The following ZFYVE9 variants were observed in gnomAD, a reference collection of about 807,000 sequenced individuals.
ZFYVE9 encodes the protein zinc finger FYVE domain-containing protein 9.
A neutral mutation model predicts 126.7 loss-of-function variants in ZFYVE9; 43 were observed. The ratio of observed to expected loss-of-function variants is 0.34; its 90% CI spans 0.27 to 0.44. The LOEUF (loss-of-function observed/expected upper bound fraction) is 0.44, where lower values mean the gene tolerates loss of function less well. ZFYVE9 is among the 20% of genes least tolerant of loss of function. The pLI is 1.00. For missense variants in ZFYVE9, 1,476 were observed against 1,697.0 expected (o/e 0.87, Z 2.29); for synonymous variants, 521 against 597.4 (o/e 0.87, Z 1.87).
chr1:52,255,870 T>A (rs946537741), intron 4 of ZFYVE9, among the ~76,000 whole-genome samples: 4 of 151,840 alleles, frequency 2.6e-5, no homozygotes, highest in African/African-American at 7.3e-5. Context: ...AAATTTTTTT[T>A]AATTCATTGA....
intron 1 of ZFYVE9, among the ~76,000 whole-genome samples, chr1:52,204,486 G>A (rs1644954808): frequency 6.6e-6 from 1 of 152,162 alleles, no homozygotes; most frequent in Admixed American, 6.5e-5. Flanking sequence ...CAGCACTTTG[G>A]GAGGCTGAGG....
At chr1:52,145,876 G>A (rs1644301473) in intron 1 of ZFYVE9, among the ~76,000 whole-genome samples, 1 of 151,598 alleles carries the variant, frequency 6.6e-6, no homozygotes, top group Admixed American at 6.6e-5. Flanking sequence ...CTTTATATAG[G>A]GTACACTTGT....
chr1:52,207,972 AAAG>A (rs1355792228), intron 1 of ZFYVE9, among the ~76,000 whole-genome samples: 2 of 152,228 alleles, frequency 1.3e-5, no homozygotes, highest in Admixed American at 6.5e-5. Context: ...TATAAAGTGT[AAAG>A]AAACTGAGAT....
intron 8 of ZFYVE9, among the ~76,000 whole-genome samples, chr1:52,278,273 CA>C (rs1188919800): frequency 1.7e-4 from 26 of 152,214 alleles, no homozygotes; most frequent in African/African-American, 6.3e-4. Flanking sequence ...ACAGGATAAC[CA>C]CATTATCATC....
In ZFYVE9 at chr1:52,142,101, A is replaced by C. The variant is rs1644261660; in HGVS notation, c.-445A>C. 6.6e-6 allele frequency: 1 copy of C among 151,136 alleles called. No homozygotes were observed. The highest frequency in any genetic ancestry group is 1.5e-5 in the Non-Finnish European group (1 of 67,650). 9.4% of individuals were successfully genotyped at this position (151,136 alleles called of 1,614,324 possible). A position where few individuals can be genotyped will look rare whatever the true frequency, so the allele number is the denominator to read the frequency against. On this transcript the variant is annotated 5_prime_UTR_variant, in exon 1 of 19. Coordinates refer to ENST00000287727, the MANE Select transcript of ZFYVE9 (RefSeq NM_004799.4). This position sits in a 1 kb window ranked among gnomAD's most constrained non-coding sequence, Gnocchi z 4.5. ...GGCAGGAGCGGCCACCCGACGCTGGAGGCTTCGCTGAGGATCCCCGCCTGC... is the reference window on the plus strand; with the variant it reads ...GGCAGGAGCGGCCACCCGACGCTGGCGGCTTCGCTGAGGATCCCCGCCTGC...
At chr1:52,253,556 G>A in intron 4 of ZFYVE9, 1 of 773,398 alleles carries the variant, frequency 1.3e-6, no homozygotes. Context: ...CCGAGTGGGA[G>A]TGGCACAGAG....
Position 52,237,993 on chromosome 1 carries a change from T to A in ZFYVE9, c.576T>A (p.Thr192=). The A allele has an allele frequency of 6.2e-7, 1 of 1,614,040 alleles. No individual in the cohort carries two copies. Among genetic ancestry groups the A allele is most frequent in the Non-Finnish European group, 8.5e-7 (1 of 1,179,962 alleles). The change falls in exon 4 of 19, where the codon ACT becomes ACA. Residue 192 remains threonine (T), a synonymous_variant. Transcript: ENST00000287727. ...CACTGGATAATGAAAACAGACAAACTGATCAATTTAGTTTTAGTATAAATG... is the reference window on the plus strand; with the variant it reads ...CACTGGATAATGAAAACAGACAAACAGATCAATTTAGTTTTAGTATAAATG... The part of the protein sequence containing the change: ...SCSLDNENRQ[T]DQFSFSINES...
At chr1:52,343,346 T>C (rs752293195) in intron 17 of ZFYVE9, among the ~76,000 whole-genome samples, 3 of 151,906 alleles carry the variant, frequency 2.0e-5, no homozygotes, top group Non-Finnish European at 2.9e-5. Context: ...CTTGGGAAGC[T>C]GAGGCAGGAG....
chr1:52,339,570 C>T (rs962475328), intron 16 of ZFYVE9, among the ~76,000 whole-genome samples: 16 of 152,110 alleles, frequency 1.1e-4, no homozygotes, highest in Non-Finnish European at 1.2e-4. Context: ...GGATTACAGG[C>T]GTGAGCCACC....
intron 1 of ZFYVE9, among the ~76,000 whole-genome samples, chr1:52,213,366 T>C (rs1015545168): frequency 6.6e-6 from 1 of 152,164 alleles, no homozygotes; most frequent in Non-Finnish European, 1.5e-5. Context: ...TTAAACAGGA[T>C]GAGGCCAGGT....
intron 15 of ZFYVE9, chr1:52,335,329 A>G (rs1449769849): frequency 6.5e-6 from 1 of 152,988 alleles, no homozygotes; most frequent in Non-Finnish European, 1.5e-5. Context: ...AGTAATCTTG[A>G]CAGGGCAATG....
chr1:52,246,030 C>T (rs1645381051), intron 4 of ZFYVE9, among the ~76,000 whole-genome samples: 1 of 152,126 alleles, frequency 6.6e-6, no homozygotes, highest in Non-Finnish European at 1.5e-5. Flanking sequence ...TGGGCCCAGG[C>T]AATTATCCCA....
intron 1 of ZFYVE9, among the ~76,000 whole-genome samples, chr1:52,208,403 G>A (rs988506070): frequency 6.6e-6 from 1 of 151,970 alleles, no homozygotes; most frequent in South Asian, 2.1e-4. Context: ...TTTCTTTAAA[G>A]GTAAAATATC....
At chr1:52,146,707 ATTAT>A (rs1342791007) in intron 1 of ZFYVE9, among the ~76,000 whole-genome samples, 1 of 152,200 alleles carries the variant, frequency 6.6e-6, no homozygotes, top group Admixed American at 6.6e-5. Context: ...AAGATTGTTA[ATTAT>A]TTATGTAGTT....
At chr1:52,227,129 T>C (rs902757538) in intron 2 of ZFYVE9, among the ~76,000 whole-genome samples, 3 of 152,250 alleles carry the variant, frequency 2.0e-5, no homozygotes, top group South Asian at 2.1e-4. Flanking sequence ...GACTTTTCCA[T>C]GTAAGCTGTA....
At chr1:52,176,953 G>T (rs1244149971) in intron 1 of ZFYVE9, among the ~76,000 whole-genome samples, 1 of 152,122 alleles carries the variant, frequency 6.6e-6, no homozygotes, top group East Asian at 1.9e-4. Flanking sequence ...CCCGAGTGAG[G>T]CAATGCCTTG....
At chr1:52,204,658 T>C (rs1644956446) in intron 1 of ZFYVE9, among the ~76,000 whole-genome samples, 1 of 151,474 alleles carries the variant, frequency 6.6e-6, no homozygotes, top group Admixed American at 6.6e-5. Flanking sequence ...ACCCAGGAGG[T>C]GAAGGTTGCA....
chr1:52,238,905 C>T lies in ZFYVE9; in HGVS notation c.1488C>T (p.Pro496=). Residue 496 remains proline (P), a synonymous_variant, in exon 4 of 19, where the codon CCC becomes CCT. Coordinates refer to ENST00000287727, the MANE Select transcript of ZFYVE9 (RefSeq NM_004799.4). ...PGVSFVPKTL[P]SKEDSVTEEK... ...TTTCTTTTGTTCCAAAGACTTTACCCTCCAAAGAAGATTCAGTAACAGAAG... is the reference window on the plus strand; with the variant it reads ...TTTCTTTTGTTCCAAAGACTTTACCTTCCAAAGAAGATTCAGTAACAGAAG... The T allele has an allele frequency of 6.2e-7, 1 of 1,613,864 alleles. No homozygotes were observed. Among genetic ancestry groups the T allele is most frequent in the South Asian group, 1.1e-5 (1 of 91,046 alleles).
chr1:52,305,483 A>G (rs532595844), intron 13 of ZFYVE9, among the ~76,000 whole-genome samples: 1 of 152,318 alleles, frequency 6.6e-6, no homozygotes, highest in South Asian at 2.1e-4. Context: ...TTTGCTGTCC[A>G]GGAAAATGAT....
Sources: allele counts gnomAD v4.1 joint callset (sites outside exome capture counted in the v4.1 genomes callset), GRCh38; gene constraint gnomAD v4.1.1; non-coding constraint Gnocchi (gnomAD v3.1); transcripts MANE v1.5; gene names NCBI Gene and HGNC (gene_info 2026-07-23, HGNC 2026-07-21).